PCDHGB4: variants seen among roughly 807,000 people sequenced by gnomAD.
The protein encoded by PCDHGB4 is protocadherin gamma-B4.
PCDHGB4 carries 38 observed loss-of-function variants against 60.5 expected under a neutral mutation model. The ratio of observed to expected loss-of-function variants is 0.63; its 90% CI spans 0.48 to 0.82. The LOEUF (loss-of-function observed/expected upper bound fraction) is 0.82. Ranked by LOEUF, PCDHGB4 falls within the 40% of genes least tolerant of loss-of-function variation. The pLI is 0.00. For missense variants in PCDHGB4, 1,109 were observed against 1,209.6 expected (o/e 0.92, Z 1.23); for synonymous variants, 456 against 509.7 (o/e 0.89, Z 1.42).
At chr5:141,404,783 G>A (rs758824309) in intron 1 of PCDHGB4, 39 of 1,613,798 alleles carry the variant, frequency 2.4e-5, no homozygotes, top group South Asian at 2.2e-4. Context: ...CCTATTCAAG[G>A]CCAGTGAGCC....
intron 1 of PCDHGB4, chr5:141,409,596 AC>A: frequency 6.2e-7 from 1 of 1,613,714 alleles, no homozygotes; most frequent in Non-Finnish European, 8.5e-7. Flanking sequence ...GCCGAGAACA[AC>A]CCGCCAGGAG....
In PCDHGB4 at chr5:141,486,077, C is replaced by T; in HGVS notation, c.2398-8730C>T. 6.2e-7 allele frequency: 1 copy of T among 1,614,186 alleles called. No individual in the cohort carries two copies. The highest frequency in any genetic ancestry group is 8.5e-7 in the Non-Finnish European group (1 of 1,180,024). ...TAGCCTGCACCCCACTACTGGAAAG[C>T]TTACTCTTTTGGGGCCCCTAGACTT... On this transcript the variant is annotated intron_variant, in intron 1 of 3. Coordinates refer to ENST00000519479, the MANE Select transcript of PCDHGB4 (RefSeq NM_003736.4). The surrounding 1 kb of genome is among the most constrained non-coding windows in gnomAD (Gnocchi z 5.0).
chr5:141,477,878 C>A lies in PCDHGB4; in HGVS notation c.2398-16929C>A. ...GCTGCCTCGAGGTACCTCAGCTGGC[C>A]ACCTAGTGTCACGGGTGGTAGGCTG... is the stretch of plus-strand genomic sequence containing the variant. On this transcript the variant is annotated intron_variant, in intron 1 of 3. Transcript: ENST00000519479. The surrounding 1 kb of genome is among the most constrained non-coding windows in gnomAD (Gnocchi z 4.9). 1.2e-6 allele frequency: 2 copies of A among 1,614,158 alleles called. No individual in the cohort carries two copies. Among genetic ancestry groups the A allele is most frequent in the Non-Finnish European group, 1.7e-6 (2 of 1,180,008 alleles).
intron 1 of PCDHGB4, among the ~76,000 whole-genome samples, chr5:141,453,101 T>TTTTTG (rs879618609): frequency 3.2e-4 from 49 of 152,130 alleles, no homozygotes; most frequent in Middle Eastern, 6.8e-3. Flanking sequence ...TTCTGTTGCT[T>TTTTTG]TTTTGTTTTG....
chr5:141,394,466 C>G lies in PCDHGB4; in HGVS notation c.2397+4185C>G, dbSNP rs765078363. 3.7e-6 allele frequency: 6 copies of G among 1,614,222 alleles called. 1 individual carries two copies. Among genetic ancestry groups the G allele is most frequent in the East Asian group, 4.5e-5 (2 of 44,878 alleles). On this transcript the variant is annotated intron_variant, in intron 1 of 3. Transcript: ENST00000519479. The stretch of plus-strand genomic sequence containing the variant: ...GCAGCAACATGTCACTGAGCCTGTT[C>G]GTGCTGGACCAGAATGACAACGCGC...
intron 1 of PCDHGB4, among the ~76,000 whole-genome samples, chr5:141,447,631 A>G (rs59518107): frequency 0.11 from 16,809 of 152,214 alleles, 1,093 homozygotes; most frequent in African/African-American, 0.17. Flanking sequence ...AACCAACAGT[A>G]TGAATGATGG....
chr5:141,440,960 A>C (rs1467379261), intron 1 of PCDHGB4: 2 of 152,248 alleles, frequency 1.3e-5, no homozygotes, highest in Non-Finnish European at 2.9e-5. Flanking sequence ...CAAGGCAGAG[A>C]TCACATATGG....
intron 1 of PCDHGB4, chr5:141,404,393 A>G: frequency 6.2e-7 from 1 of 1,613,962 alleles, no homozygotes; most frequent in Non-Finnish European, 8.5e-7. Flanking sequence ...TGACCCTGAT[A>G]GCAATGAGAA....
chr5:141,497,466 G>T (rs1047422582), intron 2 of PCDHGB4, among the ~76,000 whole-genome samples: 2 of 152,020 alleles, frequency 1.3e-5, no homozygotes, highest in African/African-American at 4.8e-5. Flanking sequence ...TGGAGATATG[G>T]AGGAGAAGGT....
chr5:141,423,330 C>T (rs932335651), intron 1 of PCDHGB4: 2 of 1,614,174 alleles, frequency 1.2e-6, no homozygotes, highest in Non-Finnish European at 1.7e-6. Flanking sequence ...TGGCCGCAGT[C>T]TCCTGCATCT....
intron 1 of PCDHGB4, among the ~76,000 whole-genome samples, chr5:141,492,862 G>A (rs2099744602): frequency 6.6e-6 from 1 of 152,198 alleles, no homozygotes. Context: ...GAGCGCCCTG[G>A]CTCTCAACCC....
intron 1 of PCDHGB4, among the ~76,000 whole-genome samples, chr5:141,401,408 A>G (rs943963302): frequency 6.6e-6 from 1 of 152,200 alleles, no homozygotes; most frequent in Non-Finnish European, 1.5e-5. Flanking sequence ...TATGAGAGAG[A>G]AAGAGAGAGA....
chr5:141,394,329 T>C (rs769172287), intron 1 of PCDHGB4: 6 of 1,613,980 alleles, frequency 3.7e-6, no homozygotes, highest in Non-Finnish European at 5.1e-6. Context: ...CTCGTATATC[T>C]CCATCAACTC....
In PCDHGB4 at chr5:141,388,522, C is replaced by G; in HGVS notation, c.638C>G (p.Thr213Ser). 1 of 1,613,868 alleles carries G rather than the reference C, an allele frequency of 6.2e-7. No homozygotes were observed. The highest frequency in any genetic ancestry group is 2.2e-5 in the East Asian group (1 of 44,882). ...EKQKSYHLTL[T>S]ALDFGAPPLS... Reference sequence around the variant, plus strand: ...CAGAAATCCTACCACTTGACTTTGACTGCCTTGGACTTTGGAGCTCCACCC... The same window carrying G: ...CAGAAATCCTACCACTTGACTTTGAGTGCCTTGGACTTTGGAGCTCCACCC... Residue 213 changes from threonine to serine, a missense_variant, in exon 1 of 4, where the codon ACT becomes AGT. Physicochemically the swap from Thr to Ser is moderately conservative, Grantham distance 58. Coordinates refer to ENST00000519479, the MANE Select transcript of PCDHGB4 (RefSeq NM_003736.4).
At chr5:141,414,622 C>T in intron 1 of PCDHGB4, 1 of 1,613,956 alleles carries the variant, frequency 6.2e-7, no homozygotes. Context: ...AGCGCTGGAC[C>T]CGGACAGCAA....
chr5:141,433,056 G>C, intron 1 of PCDHGB4: 10 of 1,614,204 alleles, frequency 6.2e-6, no homozygotes, highest in Non-Finnish European at 8.5e-6. Context: ...TCGCGGAAGA[G>C]TCACCTGATC....
At chr5:141,401,533 C>CA (rs902946394) in intron 1 of PCDHGB4, among the ~76,000 whole-genome samples, 5 of 151,672 alleles carry the variant, frequency 3.3e-5, no homozygotes, top group Admixed American at 6.6e-5. Flanking sequence ...AAGAAACTTA[C>CA]AAAAAAAAGG....
At chr5:141,438,834 T>A (rs915381229) in intron 1 of PCDHGB4, among the ~76,000 whole-genome samples, 5 of 150,606 alleles carry the variant, frequency 3.3e-5, no homozygotes, top group South Asian at 2.1e-4. Context: ...GCTAATTTTT[T>A]AAAATATTTT....
chr5:141,438,617 TATATATATATATATATATACAC>T (rs1342425883), intron 1 of PCDHGB4, among the ~76,000 whole-genome samples: 18 of 37,162 alleles, frequency 4.8e-4, no homozygotes, highest in Admixed American at 2.0e-3. Flanking sequence ...TATATATATA[TATATATATATATATATATACAC>T]ACACACACAC....
Sources: allele counts gnomAD v4.1 joint callset (sites outside exome capture counted in the v4.1 genomes callset), GRCh38; gene constraint gnomAD v4.1.1; non-coding constraint Gnocchi (gnomAD v3.1); transcripts MANE v1.5; gene names NCBI Gene and HGNC (gene_info 2026-07-23, HGNC 2026-07-21).